The following FHIT variants were observed in gnomAD, a reference collection of about 807,000 sequenced individuals.
FHIT encodes the protein bis(5'-adenosyl)-triphosphatase.
FHIT carries 19 observed loss-of-function variants against 17.9 expected under a neutral mutation model. That is an observed-to-expected ratio of 1.06 (90% CI 0.74 to 1.56). The LOEUF (loss-of-function observed/expected upper bound fraction) is 1.56, where lower values mean the gene tolerates loss of function less well. Ranked by LOEUF, FHIT falls within the 40% of genes most tolerant of loss-of-function variation. The pLI is 0.00. For synonymous variants in FHIT, 81 were observed against 69.7 expected, an observed-to-expected ratio of 1.16 and a Z score of -0.81; for missense variants, 248 against 189.2, an observed-to-expected ratio of 1.31 and a Z score of -1.82.
At chr3:60,861,204 T>TATC (rs1553752375) in intron 3 of FHIT, among the ~76,000 whole-genome samples, 1 of 782 alleles carries the variant, frequency 1.3e-3, no homozygotes, top group Non-Finnish European at 2.1e-3. Flanking sequence ...TCATATATGA[T>TATC]ATATATGATA....
chr3:60,978,260 T>C (rs1414132311), intron 3 of FHIT, among the ~76,000 whole-genome samples: 1 of 152,166 alleles, frequency 6.6e-6, no homozygotes, highest in Non-Finnish European at 1.5e-5. Flanking sequence ...TACAGATTTC[T>C]TGGGAGTCTT....
At chr3:60,784,481 G>A (rs1392701840) in intron 4 of FHIT, among the ~76,000 whole-genome samples, 6 of 152,038 alleles carry the variant, frequency 3.9e-5, no homozygotes, top group East Asian at 1.9e-4. Context: ...GACTACAGGC[G>A]TGCCCCACCA....
intron 4 of FHIT, among the ~76,000 whole-genome samples, chr3:60,634,809 T>G (rs1419071752): frequency 2.0e-5 from 3 of 152,240 alleles, no homozygotes; most frequent in Non-Finnish European, 4.4e-5. Flanking sequence ...AGACATGCAT[T>G]TAAAAGTCAC....
At chr3:61,029,698 A>T (rs1390922885) in intron 3 of FHIT, among the ~76,000 whole-genome samples, 1 of 152,250 alleles carries the variant, frequency 6.6e-6, no homozygotes, top group Non-Finnish European at 1.5e-5. Context: ...TTACATTCTT[A>T]TCAGAAGCAA....
intron 4 of FHIT, among the ~76,000 whole-genome samples, chr3:60,718,876 A>G (rs1252876350): frequency 6.6e-6 from 1 of 152,236 alleles, no homozygotes; most frequent in East Asian, 1.9e-4. Flanking sequence ...AGAAAAAAGC[A>G]TGCAGCATTT....
At chr3:59,797,646 G>T (rs967217394) in intron 8 of FHIT, among the ~76,000 whole-genome samples, 3 of 152,086 alleles carry the variant, frequency 2.0e-5, no homozygotes, top group Non-Finnish European at 2.9e-5. Flanking sequence ...CCTCCATGCC[G>T]ATATTATATA....
chr3:60,998,243 G>A (rs1414761044), intron 3 of FHIT, among the ~76,000 whole-genome samples: 1 of 152,206 alleles, frequency 6.6e-6, no homozygotes, highest in Non-Finnish European at 1.5e-5. Flanking sequence ...TGGATAGAGA[G>A]TAGCAGCTTC....
At chr3:61,014,823 T>TAC (rs2032015009) in intron 3 of FHIT, among the ~76,000 whole-genome samples, 1 of 133,754 alleles carries the variant, frequency 7.5e-6, no homozygotes, top group Non-Finnish European at 1.6e-5. Context: ...TATATATATA[T>TAC]ATGTATACAC....
chr3:60,173,895 A>ATG (rs1701532257), intron 5 of FHIT, among the ~76,000 whole-genome samples: 3 of 71,116 alleles, frequency 4.2e-5, no homozygotes, highest in Non-Finnish European at 7.5e-5. Flanking sequence ...ATATATATAT[A>ATG]TATATATATA....
In FHIT at chr3:60,186,187, T is replaced by C. The variant is rs534001547; in HGVS notation, c.104-172035A>G. On this transcript the variant is annotated intron_variant, in intron 5 of 9. Transcript: ENST00000492590. ...TTTTTTTCATGCATTATGTTTTTGG[T>C]GGTGTATATACCTACTAACACATTA... Among the ~76,000 whole-genome samples, 3 of 152,318 alleles carry C rather than the reference T, an allele frequency of 2.0e-5. 1 individual carries two copies. In the East Asian group the frequency reaches 5.8e-4, roughly 29 times the overall value.
chr3:60,015,018 G>GTA (rs1482709047), intron 5 of FHIT, among the ~76,000 whole-genome samples: 1 of 152,146 alleles, frequency 6.6e-6, no homozygotes, highest in East Asian at 1.9e-4. Context: ...GCACACATGT[G>GTA]TATATACACA....
intron 5 of FHIT, among the ~76,000 whole-genome samples, chr3:60,514,282 T>A (rs773276653): frequency 3.3e-5 from 5 of 152,226 alleles, no homozygotes. Flanking sequence ...TGTAACACAC[T>A]TGGACGCTGC....
At chr3:60,785,893 G>GA (rs201489573) in intron 4 of FHIT, among the ~76,000 whole-genome samples, 2 of 98,180 alleles carry the variant, frequency 2.0e-5, no homozygotes, top group Non-Finnish European at 4.0e-5. Context: ...GCAACAAACA[G>GA]AAGACACACA....
intron 3 of FHIT, among the ~76,000 whole-genome samples, chr3:60,920,516 G>A (rs1553768095): frequency 6.6e-6 from 1 of 152,002 alleles, no homozygotes. Flanking sequence ...AGACAGTAAA[G>A]GCCTCCTTCA....
At chr3:61,183,540 TG>T (rs1480037187) in intron 2 of FHIT, among the ~76,000 whole-genome samples, 1 of 152,226 alleles carries the variant, frequency 6.6e-6, no homozygotes, top group African/African-American at 2.4e-5. Flanking sequence ...TGTTACAAAC[TG>T]TGCAATCTTG....
At chr3:60,559,546 T>A (rs2036857807) in intron 4 of FHIT, among the ~76,000 whole-genome samples, 2 of 152,200 alleles carry the variant, frequency 1.3e-5, no homozygotes, top group South Asian at 4.1e-4. Flanking sequence ...TCCACTCAAA[T>A]TGCTGGTGTG....
At chr3:61,115,310 T>C (rs1391002434) in intron 2 of FHIT, among the ~76,000 whole-genome samples, 1 of 151,550 alleles carries the variant, frequency 6.6e-6, no homozygotes, top group African/African-American at 2.4e-5. Context: ...GGGCTAAGAG[T>C]TCACCATGTG....
chr3:61,135,509 T>C (rs2036889332), intron 2 of FHIT, among the ~76,000 whole-genome samples: 1 of 152,154 alleles, frequency 6.6e-6, no homozygotes, highest in Non-Finnish European at 1.5e-5. Flanking sequence ...TTAAAGCTTT[T>C]AAGATCTATG....
chr3:60,860,638 GA>G (rs201889260), intron 3 of FHIT, among the ~76,000 whole-genome samples: 1,035 of 28,270 alleles, frequency 0.037, 268 homozygotes, highest in Non-Finnish European at 0.049. Flanking sequence ...AGGTATATAT[GA>G]TACATATGTA....
Sources: allele counts gnomAD v4.1 joint callset (sites outside exome capture counted in the v4.1 genomes callset), GRCh38; gene constraint gnomAD v4.1.1; transcripts MANE v1.5; gene names NCBI Gene and HGNC (gene_info 2026-07-23, HGNC 2026-07-21).